Variants in TBL1Y observed in about 807,000 individuals in gnomAD.
TBL1Y encodes the protein F-box-like/WD repeat-containing protein TBL1Y.
TBL1Y carries 15 observed loss-of-function variants against 12.0 expected under a neutral mutation model. The ratio of observed to expected loss-of-function variants is 1.25; its 90% CI spans 0.83 to 1.92. The LOEUF is 1.92. Among genes scored for constraint, TBL1Y ranks in the 40% most tolerant of loss-of-function variants. The pLI, the probability that TBL1Y is intolerant of heterozygous loss-of-function variation, is 0.00. For synonymous variants in TBL1Y, 53 were observed against 42.6 expected, an observed-to-expected ratio of 1.24 and a Z score of -0.95; for missense variants, 148 against 116.7, an observed-to-expected ratio of 1.27 and a Z score of -1.24.
intron 2 of TBL1Y, among the ~76,000 whole-genome samples, chrY:6,923,909 A>C: frequency 3.0e-5 from 1 of 32,909 alleles, no homozygotes; most frequent in Admixed American, 2.8e-4. Context: ...TGTGGCCTCA[A>C]CTTCCAGGGC....
chrY:7,077,412 G>A (rs2013067603), intron 13 of TBL1Y, among the ~76,000 whole-genome samples: 1 of 33,492 alleles, frequency 3.0e-5, no homozygotes, highest in Non-Finnish European at 7.4e-5. Context: ...AGCTGACTCA[G>A]AGTAGGGCCA....
At chrY:6,965,214 GC>G (rs2012160916) in intron 2 of TBL1Y, among the ~76,000 whole-genome samples, 1 of 32,893 alleles carries the variant, frequency 3.0e-5, no homozygotes, top group African/African-American at 1.2e-4. Flanking sequence ...AACTCTGATG[GC>G]CCAAATAATT....
intron 6 of TBL1Y, among the ~76,000 whole-genome samples, chrY:7,033,752 G>T (rs2012669974): frequency 3.0e-5 from 1 of 33,565 alleles, no homozygotes; most frequent in South Asian, 6.9e-4. Context: ...CTCAATAGAT[G>T]CAGAAAAGGC....
At chrY:7,024,485 C>G in intron 5 of TBL1Y, among the ~76,000 whole-genome samples, 1 of 33,781 alleles carries the variant, frequency 3.0e-5, no homozygotes. Context: ...TTACATTTCT[C>G]TAATGACCAT....
At chrY:7,042,791 C>T (rs2012730856) in intron 6 of TBL1Y, 189 bp from the exon 7 acceptor site, 1 of 168,684 alleles carries the variant, frequency 5.9e-6, no homozygotes, top group African/African-American at 9.2e-5. Context: ...TGAAACCTCT[C>T]CCTCTCCCCT....
intron 3 of TBL1Y, among the ~76,000 whole-genome samples, chrY:6,993,689 C>T: frequency 3.1e-5 from 1 of 32,094 alleles, no homozygotes; most frequent in South Asian, 7.5e-4. Context: ...TCATGACTTC[C>T]AGAGAAGCCC....
chrY:6,932,298 T>C (rs2124099516), intron 2 of TBL1Y, among the ~76,000 whole-genome samples: 1 of 34,295 alleles, frequency 2.9e-5, no homozygotes, highest in Non-Finnish European at 7.3e-5. Flanking sequence ...CAGCTTGTGA[T>C]GTTTCATTTA....
chrY:6,953,021 C>T (rs2012043070), intron 2 of TBL1Y, among the ~76,000 whole-genome samples: 8 of 33,625 alleles, frequency 2.4e-4, no homozygotes, highest in African/African-American at 1.2e-4. Flanking sequence ...CTCTTCTGGC[C>T]TGTAGAGTTT....
At chrY:7,088,873 G>A in intron 17 of TBL1Y, among the ~76,000 whole-genome samples, 1 of 33,838 alleles carries the variant, frequency 3.0e-5, no homozygotes, top group Non-Finnish European at 7.3e-5. Context: ...GCCCAGTTGA[G>A]AACAGGTTTT....
chrY:6,999,641 T>G (rs2012434300), intron 4 of TBL1Y, among the ~76,000 whole-genome samples: 1 of 11,388 alleles, frequency 8.8e-5, no homozygotes, highest in Non-Finnish European at 1.4e-4. Flanking sequence ...TTTCATTTGT[T>G]TTTTTTTTTT....
chrY:7,043,200 C>A, intron 7 of TBL1Y, 75 bp downstream of exon 7: 1 of 350,496 alleles, frequency 2.9e-6, no homozygotes, highest in South Asian at 3.2e-5. Context: ...ACATTAGAAG[C>A]TAAAATGCAT....
At chrY:6,963,154 T>C (rs2012143184) in intron 2 of TBL1Y, among the ~76,000 whole-genome samples, 1 of 33,372 alleles carries the variant, frequency 3.0e-5, no homozygotes, top group African/African-American at 1.2e-4. Flanking sequence ...CTCTTGATGC[T>C]CAGTTCCTAA....
chrY:7,067,074 C>G, intron 8 of TBL1Y, among the ~76,000 whole-genome samples: 1 of 33,571 alleles, frequency 3.0e-5, no homozygotes, highest in African/African-American at 1.2e-4. Context: ...TTGTCTCCAT[C>G]ATAAATGAAC....
Position 7,071,636 on chromosome Y carries a change from C to A in TBL1Y, c.796+13C>A. 1 of 394,079 alleles carries A rather than the reference C, an allele frequency of 2.5e-6. No homozygotes were observed. Among genetic ancestry groups the A allele is most frequent in the Non-Finnish European group, 3.6e-6 (1 of 279,766 alleles). On this transcript the variant is annotated intron_variant, in intron 11 of 18. Transcript: ENST00000383032. Reference sequence around the variant, plus strand: ...TGGACAGAAAATGGTAAGTCCTGCACCCCTCCTGCATGGGTCAGGTAAGAG... The same window carrying A: ...TGGACAGAAAATGGTAAGTCCTGCAACCCTCCTGCATGGGTCAGGTAAGAG...
At chrY:6,942,474 T>G (rs2011958356) in intron 2 of TBL1Y, among the ~76,000 whole-genome samples, 1 of 32,788 alleles carries the variant, frequency 3.0e-5, no homozygotes, top group Admixed American at 2.8e-4. Context: ...CCAGGGAGAC[T>G]GGAAGAGGAG....
intron 2 of TBL1Y, among the ~76,000 whole-genome samples, chrY:6,965,812 C>T (rs752594351): frequency 8.1e-4 from 27 of 33,424 alleles, no homozygotes; most frequent in Non-Finnish European, 1.3e-3. Flanking sequence ...TTTCTTCTCT[C>T]GCAAGCTTTA....
intron 7 of TBL1Y, among the ~76,000 whole-genome samples, chrY:7,044,517 C>T (rs1603043206): frequency 8.8e-5 from 3 of 34,005 alleles, no homozygotes; most frequent in African/African-American, 2.3e-4. Flanking sequence ...TTCTGGGAAC[C>T]GGTCTCACCC....
At chrY:7,076,642 A>T in intron 13 of TBL1Y, among the ~76,000 whole-genome samples, 1 of 31,912 alleles carries the variant, frequency 3.1e-5, no homozygotes, top group Non-Finnish European at 7.6e-5. Context: ...GCAGTGGCTC[A>T]TGCCTGTAAT....
At chrY:6,960,380 T>C (rs760019006) in intron 2 of TBL1Y, among the ~76,000 whole-genome samples, 7 of 34,114 alleles carry the variant, frequency 2.1e-4, no homozygotes, top group African/African-American at 8.0e-4. Flanking sequence ...ATATGGCTTA[T>C]GATTTCTTGT....
Sources: allele counts gnomAD v4.1 joint callset (sites outside exome capture counted in the v4.1 genomes callset), GRCh38; gene constraint gnomAD v4.1.1; transcripts MANE v1.5; gene names NCBI Gene and HGNC (gene_info 2026-07-23, HGNC 2026-07-21).